Variants in SEMA5B observed in about 807,000 individuals in gnomAD.
The protein encoded by SEMA5B is semaphorin-5B.
Under a neutral mutation model 135.0 loss-of-function variants are expected in SEMA5B, and 66 were observed. The ratio of observed to expected loss-of-function variants is 0.49; its 90% CI spans 0.40 to 0.60. The LOEUF (loss-of-function observed/expected upper bound fraction) is 0.60, where lower values mean the gene tolerates loss of function less well. Ranked by LOEUF, SEMA5B falls within the 20% of genes least tolerant of loss-of-function variation. The pLI, the probability that SEMA5B is intolerant of heterozygous loss-of-function variation, is 0.00. For synonymous variants in SEMA5B, 690 were observed against 639.5 expected, an observed-to-expected ratio of 1.08 and a Z score of -1.19; for missense variants, 1,501 against 1,566.3, an observed-to-expected ratio of 0.96 and a Z score of 0.70.
At chr3:122,980,142 G>A (rs1271669929) in intron 1 of SEMA5B, among the ~76,000 whole-genome samples, 1 of 152,168 alleles carries the variant, frequency 6.6e-6, no homozygotes, top group African/African-American at 2.4e-5. Context: ...GTCCCAGGAT[G>A]ATGTATTCTG....
At chr3:122,945,870 T>C (rs541631347) in intron 3 of SEMA5B, among the ~76,000 whole-genome samples, 95 of 151,064 alleles carry the variant, frequency 6.3e-4, no homozygotes, top group African/African-American at 2.3e-3. Context: ...CCTCTTCCAG[T>C]TTCCGTCCCT....
At chr3:122,992,079 G>A (rs1042046826) in intron 1 of SEMA5B, among the ~76,000 whole-genome samples, 1 of 152,146 alleles carries the variant, frequency 6.6e-6, no homozygotes, top group Non-Finnish European at 1.5e-5. Context: ...GGGTAGGCAG[G>A]GGTCCAGGCT....
At chr3:122,952,041 G>A (rs985191576) in intron 2 of SEMA5B, among the ~76,000 whole-genome samples, 2 of 152,080 alleles carry the variant, frequency 1.3e-5, no homozygotes, top group Non-Finnish European at 2.9e-5. Context: ...TCCCTCCCTG[G>A]TCTGCACCCC....
chr3:122,997,353 G>A (rs533474137), intron 1 of SEMA5B, among the ~76,000 whole-genome samples: 12 of 151,618 alleles, frequency 7.9e-5, no homozygotes, highest in East Asian at 7.8e-4. Context: ...TCCTCTTCTC[G>A]CCTATCCTTC....
intron 1 of SEMA5B, among the ~76,000 whole-genome samples, chr3:122,986,313 T>C (rs1941693507): frequency 6.6e-6 from 1 of 152,210 alleles, no homozygotes; most frequent in Non-Finnish European, 1.5e-5. Flanking sequence ...CAACATACAA[T>C]TTGATATACC....
intron 1 of SEMA5B, among the ~76,000 whole-genome samples, chr3:123,007,556 A>G (rs568757520): frequency 2.2e-4 from 33 of 152,310 alleles, no homozygotes; most frequent in African/African-American, 3.6e-4. Context: ...CTCTGTCCTT[A>G]TGAATGGACT....
chr3:122,940,855 G>A (rs1486729528), intron 4 of SEMA5B, among the ~76,000 whole-genome samples: 4 of 152,216 alleles, frequency 2.6e-5, no homozygotes, highest in Non-Finnish European at 5.9e-5. Context: ...TCCTGGCCTG[G>A]GAACAGATAA....
intron 3 of SEMA5B, among the ~76,000 whole-genome samples, chr3:122,945,635 G>A (rs142312106): frequency 2.0e-5 from 3 of 152,278 alleles, no homozygotes; most frequent in Non-Finnish European, 4.4e-5. Context: ...ACAGCAGCAA[G>A]CACCTTAATT....
intron 5 of SEMA5B, among the ~76,000 whole-genome samples, chr3:122,937,026 T>C (rs1226629481): frequency 2.0e-5 from 3 of 152,270 alleles, no homozygotes; most frequent in Non-Finnish European, 2.9e-5. Context: ...CAATAAAGCA[T>C]TGAGTTTTAA....
At chr3:122,965,945 C>T (rs745903982) in intron 1 of SEMA5B, among the ~76,000 whole-genome samples, 26 of 152,264 alleles carry the variant, frequency 1.7e-4, no homozygotes, top group African/African-American at 5.8e-4. Context: ...GGAGCTCAGC[C>T]GACACAGGTT....
rs550186832 is a variant in SEMA5B at position 122,956,650 on chromosome 3, C to T, written c.124+4490G>A. Among the ~76,000 whole-genome samples, 9 of 152,234 alleles carry T rather than the reference C, an allele frequency of 5.9e-5. No homozygotes were observed. The South Asian group carries it at 8.3e-4, about 14-fold the overall frequency. On this transcript the variant is annotated intron_variant, in intron 2 of 22. Transcript: ENST00000357599. ...CGCAAACCAGTCTCCCAACAGGTGCCCCCTGCACAACCGAACCCTCCCCCG... is the reference window on the plus strand; with the variant it reads ...CGCAAACCAGTCTCCCAACAGGTGCTCCCTGCACAACCGAACCCTCCCCCG...
At chr3:122,967,179 C>T (rs1250594983) in intron 1 of SEMA5B, among the ~76,000 whole-genome samples, 1 of 152,154 alleles carries the variant, frequency 6.6e-6, no homozygotes, top group African/African-American at 2.4e-5. Context: ...GCCACTGTGC[C>T]CAGCCTTAAG....
intron 5 of SEMA5B, 95 bp from the exon 6 acceptor site, chr3:122,929,153 G>A: frequency 8.1e-7 from 1 of 1,233,296 alleles, no homozygotes; most frequent in Non-Finnish European, 1.2e-6. Flanking sequence ...GTCGGGAGTG[G>A]ACATGAAGCT....
intron 1 of SEMA5B, among the ~76,000 whole-genome samples, chr3:122,990,886 A>G (rs1373779386): frequency 6.6e-6 from 1 of 152,334 alleles, no homozygotes; most frequent in East Asian, 1.9e-4. Context: ...TGTCTCACTC[A>G]ACAGCTCCCG....
chr3:122,923,593 G>A, intron 10 of SEMA5B, 24 bp downstream of exon 10: 1 of 1,613,642 alleles, frequency 6.2e-7, no homozygotes, highest in African/African-American at 1.3e-5. Context: ...TGTGAAGACA[G>A]GGAAAGAGGA....
intron 12 of SEMA5B, among the ~76,000 whole-genome samples, chr3:122,920,768 C>A (rs544759457): frequency 6.6e-6 from 1 of 152,198 alleles, no homozygotes; most frequent in Non-Finnish European, 1.5e-5. Context: ...CCCCCACACC[C>A]GACCATCTCT....
intron 5 of SEMA5B, among the ~76,000 whole-genome samples, chr3:122,932,811 T>G (rs1436285384): frequency 4.6e-5 from 7 of 152,162 alleles, no homozygotes; most frequent in African/African-American, 1.7e-4. Flanking sequence ...AACCTAACAC[T>G]GAGCTCAGGT....
intron 1 of SEMA5B, among the ~76,000 whole-genome samples, chr3:123,008,748 G>A (rs1942368679): frequency 6.6e-6 from 1 of 152,192 alleles, no homozygotes; most frequent in South Asian, 2.1e-4. Context: ...TCTGGAGAAG[G>A]ACCAAATTGG....
chr3:122,945,234 C>T (rs1939733076), intron 3 of SEMA5B, among the ~76,000 whole-genome samples: 2 of 151,996 alleles, frequency 1.3e-5, no homozygotes, highest in East Asian at 1.9e-4. Flanking sequence ...TGAAGCAAAC[C>T]CCTTGGGCCT....
Sources: gnomAD v4.1 joint callset for allele counts (sites outside exome capture counted in the v4.1 genomes callset) on GRCh38, gnomAD v4.1.1 for gene constraint, MANE v1.5 for transcripts, NCBI Gene and HGNC (gene_info 2026-07-23, HGNC 2026-07-21) for gene names.